TRAF3IP1: variants seen among roughly 807,000 people sequenced by gnomAD.
TRAF3IP1 encodes intraflagellar transport 54, also known as TRAF3-interacting protein 1.
Under a neutral mutation model 89.9 loss-of-function variants are expected in TRAF3IP1, and 53 were observed. That is an observed-to-expected ratio of 0.59 (90% CI 0.47 to 0.74). The LOEUF (loss-of-function observed/expected upper bound fraction) is 0.74, where lower values mean the gene tolerates loss of function less well. TRAF3IP1 is among the 30% of genes least tolerant of loss of function. The probability of loss-of-function intolerance (pLI) is 0.00; values close to 1 mark genes in which losing one functional copy is unlikely to be tolerated. For missense variants in TRAF3IP1, 806 were observed against 866.1 expected, an observed-to-expected ratio of 0.93 and a Z score of 0.87; for synonymous variants, 311 against 322.1, an observed-to-expected ratio of 0.97 and a Z score of 0.37.
intron 14 of TRAF3IP1, among the ~76,000 whole-genome samples, chr2:238,355,715 A>G (rs1389352364): frequency 6.6e-6 from 1 of 152,238 alleles, no homozygotes; most frequent in Non-Finnish European, 1.5e-5. Flanking sequence ...ATGTCAATCT[A>G]CACTCCTTCT....
At chr2:238,375,512 TG>T (rs1480200189) in intron 15 of TRAF3IP1, among the ~76,000 whole-genome samples, 2 of 152,218 alleles carry the variant, frequency 1.3e-5, no homozygotes, top group Non-Finnish European at 2.9e-5. Flanking sequence ...TCGTGATTTC[TG>T]TTCTTTTACA....
rs2106388128 is a variant in TRAF3IP1 at position 238,345,734 on chromosome 2, G to A, written c.1261+1136G>A. 6.6e-6 allele frequency among the ~76,000 whole-genome samples: 1 copy of A among 152,232 alleles called. No homozygotes were observed. The highest frequency in any genetic ancestry group is 2.4e-5 in the African/African-American group (1 of 41,540). Reference sequence around the variant, plus strand: ...GGGGGAGCTGGCCTGGAGCGTAGAGGGAAGGCCCAGGCTAGAGAGGAGCTG... The same window carrying A: ...GGGGGAGCTGGCCTGGAGCGTAGAGAGAAGGCCCAGGCTAGAGAGGAGCTG... On this transcript the variant is annotated intron_variant, in intron 9 of 16. Coordinates refer to ENST00000373327, the MANE Select transcript of TRAF3IP1 (RefSeq NM_015650.4). This position sits in a 1 kb window ranked among gnomAD's most constrained non-coding sequence, Gnocchi z 4.7.
intron 1 of TRAF3IP1, among the ~76,000 whole-genome samples, chr2:238,322,639 G>T (rs1697607589): frequency 8.1e-6 from 1 of 123,710 alleles, no homozygotes; most frequent in African/African-American, 3.0e-5. Flanking sequence ...AGTGAGCTGT[G>T]ATTGTAACAC....
intron 4 of TRAF3IP1, 34 bp downstream of exon 4, chr2:238,328,863 A>C (rs374358971): frequency 1.2e-4 from 193 of 1,602,054 alleles, no homozygotes; most frequent in Non-Finnish European, 1.6e-4. Context: ...TGAAAATGAA[A>C]TAGTGAGTCT....
intron 15 of TRAF3IP1, 138 bp from the exon 16 acceptor site, chr2:238,397,321 A>T (rs1701270171): frequency 1.5e-6 from 1 of 686,978 alleles, no homozygotes; most frequent in South Asian, 1.7e-5. Flanking sequence ...TTTGCATGGG[A>T]GTGAGTGTCC....
Position 238,320,791 on chromosome 2 carries a change from C to T in TRAF3IP1, c.123+6C>T. 1 of 1,407,660 alleles carries T rather than the reference C, an allele frequency of 7.1e-7. No individual in the cohort carries two copies. Among genetic ancestry groups the T allele is most frequent in the East Asian group, 3.3e-5 (1 of 30,118 alleles). The allele number at this position is 1,407,660 out of a possible 1,614,324, so 87.2% of individuals were successfully genotyped here. A position where few individuals can be genotyped will look rare whatever the true frequency, so the allele number is the denominator to read the frequency against. ...TGCACGACATCATCACGGAGGTGGG[C>T]GCCGGGGACCGGGCCCGGCCAGGTG... On this transcript the variant is annotated splice_donor_region_variant and intron_variant, in intron 1 of 16. Coordinates refer to ENST00000373327, the MANE Select transcript of TRAF3IP1 (RefSeq NM_015650.4).
Position 238,398,827 on chromosome 2 carries a change from G to T in TRAF3IP1, c.1984G>T (p.Asp662Tyr). The change falls in exon 17 of 17, where the codon GAC becomes TAC. Residue 662 changes from aspartate (D) to tyrosine (Y), a missense_variant. This residue lies in a region of TRAF3IP1 where 70 missense variants were observed against 67.8 expected (regional missense o/e 1.03). Transcript: ENST00000373327. ...GGAGCAGCTGATCAAAGACCAGCAA[G>T]ACAAGATCTGTGCTGTGAAGGCCAA... ...ELEQLIKDQQ[D>Y]KICAVKANIL... is the part of the protein sequence containing the mutation. 6.2e-7 allele frequency: 1 copy of T among 1,613,592 alleles called. No homozygotes were observed.
chr2:238,389,199 T>A (rs2106375335), intron 15 of TRAF3IP1, among the ~76,000 whole-genome samples: 1 of 152,274 alleles, frequency 6.6e-6, no homozygotes, highest in East Asian at 1.9e-4. Flanking sequence ...CGAGAGGGAC[T>A]TCTGGCAGCA....
At chr2:238,353,735 G>C (rs1385400310) in intron 14 of TRAF3IP1, among the ~76,000 whole-genome samples, 2 of 152,060 alleles carry the variant, frequency 1.3e-5, no homozygotes, top group Non-Finnish European at 2.9e-5. Context: ...AGGGCTTGTT[G>C]GTTTTGGGGG....
chr2:238,388,089 A>G (rs905816395), intron 15 of TRAF3IP1, among the ~76,000 whole-genome samples: 3 of 151,890 alleles, frequency 2.0e-5, no homozygotes, highest in Non-Finnish European at 4.4e-5. Flanking sequence ...GTCTCAAAAA[A>G]TTAGTCGGGT....
chr2:238,352,393 G>C (rs1471853785), intron 12 of TRAF3IP1, among the ~76,000 whole-genome samples: 2 of 152,184 alleles, frequency 1.3e-5, no homozygotes, highest in Non-Finnish European at 2.9e-5. Flanking sequence ...ACCCCAATGT[G>C]GCCCCTGCCC....
intron 12 of TRAF3IP1, among the ~76,000 whole-genome samples, chr2:238,350,348 G>A (rs565882551): frequency 2.6e-5 from 4 of 152,298 alleles, no homozygotes; most frequent in East Asian, 3.9e-4. Context: ...CAGAGTCCCC[G>A]TGTGGGTGTG....
chr2:238,371,145 G>C lies in TRAF3IP1; in HGVS notation c.1689+15065G>C, dbSNP rs912709310. Among the ~76,000 whole-genome samples the C allele has an allele frequency of 1.6e-4, 24 of 152,298 alleles. 1 individual carries two copies. The East Asian group carries it at 4.2e-3, about 27-fold the overall frequency. On this transcript the variant is annotated intron_variant, in intron 15 of 16. Transcript: ENST00000373327. ...CGACATTGAAAGTCTGTTTTTTAGAGGTGCTTTGTACTTTTCGTAAAGAGC... is the reference window on the plus strand; with the variant it reads ...CGACATTGAAAGTCTGTTTTTTAGACGTGCTTTGTACTTTTCGTAAAGAGC...
At chr2:238,376,086 A>G (rs1403541405) in intron 15 of TRAF3IP1, among the ~76,000 whole-genome samples, 1 of 152,192 alleles carries the variant, frequency 6.6e-6, no homozygotes. Context: ...AGCCATGAGA[A>G]CCATGTAATC....
intron 15 of TRAF3IP1, among the ~76,000 whole-genome samples, chr2:238,365,580 C>T (rs1215339294): frequency 1.3e-5 from 2 of 152,056 alleles, no homozygotes; most frequent in East Asian, 1.9e-4. Context: ...ATGGCTTGAG[C>T]CCACAAGTTT....
At chr2:238,372,904 G>T (rs1353834969) in intron 15 of TRAF3IP1, among the ~76,000 whole-genome samples, 1 of 152,122 alleles carries the variant, frequency 6.6e-6, no homozygotes, top group African/African-American at 2.4e-5. Flanking sequence ...ATTTTTTCAC[G>T]TGTCTGTTGG....
intron 11 of TRAF3IP1, 131 bp downstream of exon 11, chr2:238,348,979 T>C (rs2106392822): frequency 1.3e-6 from 1 of 756,278 alleles, no homozygotes; most frequent in Non-Finnish European, 2.2e-6. Context: ...ATACAAAGAA[T>C]ACAAGAAGTA....
chr2:238,375,651 G>A (rs1024570694), intron 15 of TRAF3IP1, among the ~76,000 whole-genome samples: 8 of 152,076 alleles, frequency 5.3e-5, no homozygotes, highest in African/African-American at 1.9e-4. Flanking sequence ...AGTTCTGCTT[G>A]GTCCAGAGCT....
Position 238,355,996 on chromosome 2 carries a change from T to C in TRAF3IP1, c.1613-8T>C, listed in dbSNP as rs953361088. ...ACTTTTAACATAAAATCACTGATTT[T>C]TCAACAGGTGGACTTGTGAAAAAAA... On this transcript the variant is annotated splice_polypyrimidine_tract_variant and splice_region_variant and intron_variant, in intron 14 of 16. Transcript: ENST00000373327. 2 of 1,610,926 alleles carry C rather than the reference T, an allele frequency of 1.2e-6. No individual in the cohort carries two copies. The highest frequency in any genetic ancestry group is 1.7e-6 in the Non-Finnish European group (2 of 1,177,456).
Sources: allele counts gnomAD v4.1 joint callset (sites outside exome capture counted in the v4.1 genomes callset), GRCh38; gene constraint gnomAD v4.1.1; regional missense constraint gnomAD v4.1.1; non-coding constraint Gnocchi (gnomAD v3.1); transcripts MANE v1.5; gene names NCBI Gene and HGNC (gene_info 2026-07-23, HGNC 2026-07-21).